The following KCNA6 variants were observed in gnomAD, a reference collection of about 807,000 sequenced individuals.
KCNA6 encodes potassium voltage-gated channel subfamily A member 6.
Under a neutral mutation model 29.5 loss-of-function variants are expected in KCNA6, and 17 were observed. The ratio of observed to expected loss-of-function variants is 0.58; its 90% confidence interval spans 0.39 to 0.86. The LOEUF (loss-of-function observed/expected upper bound fraction) is 0.86, where lower values mean the gene tolerates loss of function less well. Among genes scored for constraint, KCNA6 ranks in the 40% least tolerant of loss-of-function variants. The pLI, the probability that KCNA6 is intolerant of heterozygous loss-of-function variation, is 0.00. For synonymous variants in KCNA6, 296 were observed against 304.7 expected (o/e 0.97, Z 0.30); for missense variants, 450 against 703.4 (o/e 0.64, Z 4.07).
At chr12:4,835,174 G>A in the KCNA6 span, among the ~76,000 whole-genome samples, 8 of 143,598 alleles carry the variant, frequency 5.6e-5, no homozygotes, top group Non-Finnish European at 9.0e-5. Flanking sequence ...TTGCTCTGTC[G>A]CCCAGGCTGG....
chr12:4,809,981 C>G (rs1395421592), exon 1 of KCNA6: 2 of 1,484,710 alleles, frequency 1.3e-6, no homozygotes, highest in Non-Finnish European at 1.8e-6. Context: ...GCGGGTGCCG[C>G]GCTCCAGAGA....
the KCNA6 span, among the ~76,000 whole-genome samples, chr12:4,827,091 G>C: frequency 8.1e-6 from 1 of 123,278 alleles, no homozygotes; most frequent in South Asian, 2.7e-4. Context: ...CCCCTCCATC[G>C]TCCCCTCTCT....
At chr12:4,817,897 G>A (rs2137584517), downstream of KCNA6, among the ~76,000 whole-genome samples, 1 of 152,336 alleles carries the variant, frequency 6.6e-6, no homozygotes, top group East Asian at 1.9e-4. Context: ...GCTGCAAGGA[G>A]CGCAGACAGA....
the KCNA6 span, among the ~76,000 whole-genome samples, chr12:4,829,364 T>C: frequency 6.6e-6 from 1 of 152,176 alleles, no homozygotes; most frequent in Non-Finnish European, 1.5e-5. Flanking sequence ...TTGCTGGATA[T>C]GATTATCCAG....
chr12:4,832,406 A>G, the KCNA6 span, among the ~76,000 whole-genome samples: 2 of 152,218 alleles, frequency 1.3e-5, no homozygotes, highest in Non-Finnish European at 2.9e-5. Flanking sequence ...AGGGACGCAC[A>G]GGTAGAAGGA....
chr12:4,837,128 A>AAATC, the KCNA6 span, among the ~76,000 whole-genome samples: 1 of 152,164 alleles, frequency 6.6e-6, no homozygotes, highest in Admixed American at 6.5e-5. Context: ...GCCAGTGGTT[A>AAATC]AATCAATCAT....
chr12:4,828,351 A>G, the KCNA6 span, among the ~76,000 whole-genome samples: 15 of 152,376 alleles, frequency 9.8e-5, no homozygotes, highest in African/African-American at 3.1e-4. Flanking sequence ...CAATTACTAC[A>G]TAGCCGTCAT....
At chr12:4,832,817 T>G in the KCNA6 span, among the ~76,000 whole-genome samples, 1 of 152,200 alleles carries the variant, frequency 6.6e-6, no homozygotes, top group South Asian at 2.1e-4. Context: ...AGTCTTTATG[T>G]GGACTGGACC....
the KCNA6 span, among the ~76,000 whole-genome samples, chr12:4,834,797 G>A: frequency 6.6e-6 from 1 of 152,172 alleles, no homozygotes; most frequent in Non-Finnish European, 1.5e-5. Flanking sequence ...GCCAAAATCT[G>A]TGACAAGCTC....
chr12:4,818,541 C>T, the KCNA6 span, among the ~76,000 whole-genome samples: 1 of 152,240 alleles, frequency 6.6e-6, no homozygotes, highest in South Asian at 2.1e-4. Flanking sequence ...TTATTATCAT[C>T]CTGCAGCAGT....
At chr12:4,839,176 T>G in the KCNA6 span, 1 of 152,202 alleles carries the variant, frequency 6.6e-6, no homozygotes, top group African/African-American at 2.4e-5. Flanking sequence ...ATAAATTGAA[T>G]GTAGTTGACC....
At chr12:4,843,273 C>T in the KCNA6 span, among the ~76,000 whole-genome samples, 1 of 151,896 alleles carries the variant, frequency 6.6e-6, no homozygotes, top group African/African-American at 2.4e-5. Context: ...CTCCGCCTCC[C>T]GGGTTCACAC....
chr12:4,828,386 C>A, the KCNA6 span, among the ~76,000 whole-genome samples: 2 of 152,228 alleles, frequency 1.3e-5, no homozygotes, highest in East Asian at 1.9e-4. Flanking sequence ...CTTTTGGTAA[C>A]CCACTTCCTA....
the KCNA6 span, among the ~76,000 whole-genome samples, chr12:4,839,884 T>A: frequency 2.0e-5 from 3 of 152,198 alleles, no homozygotes; most frequent in South Asian, 6.2e-4. Context: ...AGACCAAGTT[T>A]GTGTGACTCC....
At chr12:4,834,813 C>G in the KCNA6 span, among the ~76,000 whole-genome samples, 59,270 of 152,024 alleles carry the variant, frequency 0.39, 12,173 homozygotes, top group Middle Eastern at 0.53. Flanking sequence ...AGCTCTTTTA[C>G]AGCTGACTTT....
the KCNA6 span, among the ~76,000 whole-genome samples, chr12:4,832,224 G>A: frequency 6.6e-6 from 1 of 152,068 alleles, no homozygotes; most frequent in African/African-American, 2.4e-5. Context: ...AACTCAGACA[G>A]AGAGGGAAAT....
chr12:4,815,344 A>G (rs1314206446), downstream of KCNA6, among the ~76,000 whole-genome samples: 1 of 152,162 alleles, frequency 6.6e-6, no homozygotes, highest in African/African-American at 2.4e-5. Flanking sequence ...ACCTCTGTGG[A>G]GGCAAGTCCT....
the KCNA6 span, among the ~76,000 whole-genome samples, chr12:4,848,533 C>T: frequency 2.0e-5 from 3 of 148,060 alleles, no homozygotes; most frequent in Non-Finnish European, 3.0e-5. Context: ...AAAAATCCAA[C>T]TTTAAAAAAA....
chr12:4,812,740 ATTTTATGGG>A (rs1397421418), exon 1 of KCNA6: 2 of 167,068 alleles, frequency 1.2e-5, no homozygotes, highest in African/African-American at 4.8e-5. Flanking sequence ...GTTTCTTCCC[ATTTTATGGG>A]CATGAAATAT....
Sources: allele counts gnomAD v4.1 joint callset (sites outside exome capture counted in the v4.1 genomes callset), GRCh38; gene constraint gnomAD v4.1.1; transcripts MANE v1.5; gene names NCBI Gene and HGNC (gene_info 2026-07-23, HGNC 2026-07-21).